Variants in SMC5 observed in about 807,000 individuals in gnomAD.
SMC5 encodes structural maintenance of chromosomes protein 5.
A neutral mutation model predicts 148.3 loss-of-function variants in SMC5; 88 were observed. That is an observed-to-expected ratio of 0.59 (90% confidence interval 0.50 to 0.71). SMC5 has a LOEUF of 0.71. SMC5 is among the 30% of genes least tolerant of loss of function. The probability of loss-of-function intolerance (pLI) is 0.00; values close to 1 mark genes in which losing one functional copy is unlikely to be tolerated. For missense variants in SMC5, 1,142 were observed against 1,298.9 expected, an observed-to-expected ratio of 0.88 and a Z score of 1.86; for synonymous variants, 421 against 432.8, an observed-to-expected ratio of 0.97 and a Z score of 0.34.
chr9:70,270,019 C>T (rs1318894727), intron 3 of SMC5, among the ~76,000 whole-genome samples: 2 of 152,066 alleles, frequency 1.3e-5, no homozygotes, highest in Admixed American at 1.3e-4. Flanking sequence ...TTCCCCACAC[C>T]CTGCAATTCA....
rs1048437589 is a variant in SMC5, at chr9:70,354,653, C to G, written c.*2322C>G. 3.9e-5 allele frequency: 6 copies of G among 152,156 alleles called. No homozygotes were observed. Among genetic ancestry groups the G allele is most frequent in the African/African-American group, 1.4e-4 (6 of 41,430 alleles). The allele number at this position is 152,156 out of a possible 1,614,324, so 9.4% of individuals were successfully genotyped here. A position where few individuals can be genotyped will look rare whatever the true frequency, so the allele number is the denominator to read the frequency against. Reference sequence around the variant, plus strand: ...TATGCCTAAATCTTCATTGGTTTGCCTGGAAAGAGTCTCTGTTAAAAGATT... The same window carrying G: ...TATGCCTAAATCTTCATTGGTTTGCGTGGAAAGAGTCTCTGTTAAAAGATT... On this transcript the variant is annotated 3_prime_UTR_variant, in exon 25 of 25. Coordinates refer to ENST00000361138, the MANE Select transcript of SMC5 (RefSeq NM_015110.4).
At chr9:70,329,943 G>A (rs888006438) in intron 17 of SMC5, among the ~76,000 whole-genome samples, 6 of 152,120 alleles carry the variant, frequency 3.9e-5, no homozygotes, top group Non-Finnish European at 5.9e-5. Flanking sequence ...TTACCATGGC[G>A]GTGAGAGAGA....
chr9:70,328,651 C>T (rs997894925), intron 17 of SMC5, among the ~76,000 whole-genome samples: 6 of 152,184 alleles, frequency 3.9e-5, no homozygotes, highest in Admixed American at 3.9e-4. Context: ...TCTTGGCACA[C>T]GGTGCAAGCT....
In SMC5 at chr9:70,318,969, T is replaced by G; in HGVS notation, c.2150+6T>G. On this transcript the variant is annotated splice_donor_region_variant and intron_variant, in intron 15 of 24. Transcript: ENST00000361138. ...ATCAGTTCCAAACTAGGAAGGTATC[T>G]TTTAGCCTATTCAGGGGGGAGAGCA... The G allele has an allele frequency of 6.2e-7, 1 of 1,601,616 alleles. No homozygotes were observed. The highest frequency in any genetic ancestry group is 1.7e-4 in the Middle Eastern group (1 of 5,994).
At chr9:70,299,953 T>C in intron 9 of SMC5, 93 bp from the exon 10 acceptor site, 2 of 1,178,372 alleles carry the variant, frequency 1.7e-6, no homozygotes, top group Non-Finnish European at 2.3e-6. Context: ...TTGTAACCTT[T>C]AGAACTAGGG....
At chr9:70,265,239 G>A (rs1392658722) in intron 2 of SMC5, among the ~76,000 whole-genome samples, 1 of 152,122 alleles carries the variant, frequency 6.6e-6, no homozygotes, top group African/African-American at 2.4e-5. Context: ...CACTTTGGGA[G>A]GCCATGATCA....
chr9:70,321,523 G>C (rs532025496), intron 15 of SMC5, among the ~76,000 whole-genome samples: 2 of 151,732 alleles, frequency 1.3e-5, no homozygotes, highest in Admixed American at 1.3e-4. Flanking sequence ...CTCCTGAGTG[G>C]CTGGGACCAC....
chr9:70,322,493 G>A (rs964660128), intron 15 of SMC5, among the ~76,000 whole-genome samples: 3 of 152,176 alleles, frequency 2.0e-5, no homozygotes, highest in Non-Finnish European at 2.9e-5. Flanking sequence ...TCATCCAAAA[G>A]ACTGTTGCAA....
chr9:70,269,036 G>A (rs1444856488), intron 3 of SMC5, among the ~76,000 whole-genome samples: 1 of 152,062 alleles, frequency 6.6e-6, no homozygotes, highest in Non-Finnish European at 1.5e-5. Context: ...GCATTTTTGA[G>A]CTGAAAAGCC....
chr9:70,336,203 G>T (rs2036352334), intron 17 of SMC5, among the ~76,000 whole-genome samples: 1 of 151,728 alleles, frequency 6.6e-6, no homozygotes, highest in Admixed American at 6.6e-5. Context: ...TAGATTTTAG[G>T]AAATGTAGAC....
At chr9:70,318,407 T>TC in intron 13 of SMC5, 107 bp from the exon 14 acceptor site, 1 of 919,470 alleles carries the variant, frequency 1.1e-6, no homozygotes, top group East Asian at 2.9e-5. Flanking sequence ...AATGTATATC[T>TC]CGTATATTTT....
intron 11 of SMC5, among the ~76,000 whole-genome samples, chr9:70,306,382 T>G (rs1344277030): frequency 1.3e-5 from 2 of 152,188 alleles, no homozygotes; most frequent in Non-Finnish European, 2.9e-5. Flanking sequence ...ATTGCCCTAC[T>G]TCTGGTTTGG....
At chr9:70,333,304 C>T (rs985258969) in intron 17 of SMC5, among the ~76,000 whole-genome samples, 1 of 152,114 alleles carries the variant, frequency 6.6e-6, no homozygotes, top group Non-Finnish European at 1.5e-5. Flanking sequence ...TTTACAATAG[C>T]ATCAAAAATG....
chr9:70,313,741 C>A (rs1587681091), intron 11 of SMC5, among the ~76,000 whole-genome samples: 1 of 152,124 alleles, frequency 6.6e-6, no homozygotes, highest in African/African-American at 2.4e-5. Flanking sequence ...CTCAGTTGAT[C>A]CGCCCGTCTC....
At position 70,347,613 on chromosome 9, in the gene SMC5, A is replaced by G. The variant is rs746462843; in HGVS notation, c.2665A>G (p.Ile889Val). Reference protein sequence around the residue: ...ASCFTGLNPTIVQEYTKREEE... With the variant: ...ASCFTGLNPTVVQEYTKREEE... ...AAGAAGTTTTTTTTTCCCCTGCCAGATTGTTCAGGAATATACAAAAAGAGA... is the reference window on the plus strand; with the variant it reads ...AAGAAGTTTTTTTTTCCCCTGCCAGGTTGTTCAGGAATATACAAAAAGAGA... Residue 889 changes from isoleucine to valine, a missense_variant and splice_region_variant, in exon 21 of 25, where the codon ATT becomes GTT. Transcript: ENST00000361138. The G allele has an allele frequency of 2.6e-6, 4 of 1,518,536 alleles. No individual in the cohort carries two copies. Among genetic ancestry groups the G allele is most frequent in the Non-Finnish European group, 3.6e-6 (4 of 1,126,502 alleles). 94.1% of individuals were successfully genotyped at this position (1,518,536 alleles called of 1,614,324 possible). A position where few individuals can be genotyped will look rare whatever the true frequency, so the allele number is the denominator to read the frequency against.
At position 70,264,425 on chromosome 9, in the gene SMC5, T is replaced by G; in HGVS notation, c.307T>G (p.Phe103Val). ...CCTTGGTTTAGCTGGAAAACCTGCT[T>G]TCATGGGACGAGCAGATAAGGTGAG... is the stretch of plus-strand genomic sequence containing the variant. ...ICLGLAGKPA[F>V]MGRADKVGFF... Residue 103 changes from phenylalanine (F) to valine (V), a missense_variant, in exon 2 of 25, where the codon TTC becomes GTC. Around this residue, in one of 5 missense-constraint regions of SMC5, gnomAD observed 297 missense variants for 302.6 expected, o/e 0.98. Coordinates refer to ENST00000361138, the MANE Select transcript of SMC5 (RefSeq NM_015110.4). 1 of 1,614,044 alleles carries G rather than the reference T, an allele frequency of 6.2e-7. No homozygotes were observed. The highest frequency in any genetic ancestry group is 8.5e-7 in the Non-Finnish European group (1 of 1,179,942).
chr9:70,302,966 A>G (rs1039299892), intron 10 of SMC5, among the ~76,000 whole-genome samples: 1 of 152,212 alleles, frequency 6.6e-6, no homozygotes, highest in African/African-American at 2.4e-5. Flanking sequence ...ATGTTGGCTC[A>G]TGCCTATAAT....
intron 17 of SMC5, among the ~76,000 whole-genome samples, chr9:70,340,886 T>G (rs1385581543): frequency 6.6e-6 from 1 of 152,158 alleles, no homozygotes; most frequent in Non-Finnish European, 1.5e-5. Flanking sequence ...AAGATAATAC[T>G]TACAAATTTT....
At chr9:70,271,249 A>G (rs1016888409) in intron 3 of SMC5, among the ~76,000 whole-genome samples, 5 of 152,140 alleles carry the variant, frequency 3.3e-5, no homozygotes, top group Admixed American at 3.3e-4. Flanking sequence ...TAATTATCTT[A>G]TTATATAACT....
Sources: gnomAD v4.1 joint callset for allele counts (sites outside exome capture counted in the v4.1 genomes callset) on GRCh38, gnomAD v4.1.1 for gene constraint, gnomAD v4.1.1 regional missense constraint, MANE v1.5 for transcripts, NCBI Gene and HGNC (gene_info 2026-07-23, HGNC 2026-07-21) for gene names.